The following ACYP2 variants were observed in gnomAD, a reference collection of about 807,000 sequenced individuals.
The protein encoded by ACYP2 is acylphosphatase-2.
Under a neutral mutation model 11.2 loss-of-function variants are expected in ACYP2, and 12 were observed. The ratio of observed to expected loss-of-function variants is 1.08; its 90% CI spans 0.69 to 1.74. ACYP2 has a LOEUF of 1.74. Ranked by LOEUF, ACYP2 falls within the 40% of genes most tolerant of loss-of-function variation. The pLI is 0.00. For missense variants in ACYP2, 134 were observed against 101.9 expected (o/e 1.31, Z -1.35); for synonymous variants, 43 against 32.2 (o/e 1.33, Z -1.13).
intron 6 of ACYP2, among the ~76,000 whole-genome samples, chr2:54,243,794 C>T (rs189627515): frequency 3.9e-5 from 6 of 152,188 alleles, no homozygotes; most frequent in Admixed American, 2.0e-4. Flanking sequence ...AGGCTTGTCT[C>T]GAACTCCTGG....
At chr2:54,192,687 A>G (rs1283656349) in intron 6 of ACYP2, among the ~76,000 whole-genome samples, 1 of 152,184 alleles carries the variant, frequency 6.6e-6, no homozygotes, top group African/African-American at 2.4e-5. Flanking sequence ...CTGTTCTCAC[A>G]CTGCTATAAA....
At chr2:54,226,673 T>G (rs698752) in intron 6 of ACYP2, among the ~76,000 whole-genome samples, 88,557 of 151,960 alleles carry the variant, frequency 0.58, 26,215 homozygotes, top group African/African-American at 0.69. Context: ...ATGGAACATG[T>G]AGTCTTTTCC....
intron 6 of ACYP2, among the ~76,000 whole-genome samples, chr2:54,270,875 G>A (rs1452705289): frequency 6.6e-6 from 1 of 151,970 alleles, no homozygotes; most frequent in Non-Finnish European, 1.5e-5. Context: ...TTCACTTGGT[G>A]AACATTGTTT....
intron 6 of ACYP2, among the ~76,000 whole-genome samples, chr2:54,201,950 C>T (rs6746552): frequency 0.026 from 3,964 of 151,850 alleles, 95 homozygotes; most frequent in Non-Finnish European, 0.027. Context: ...TGAGGTGATC[C>T]GCTTGCCTCG....
At chr2:54,091,526 T>TTTATTTAA (rs1345093344) in intron 4 of ACYP2, among the ~76,000 whole-genome samples, 3 of 151,274 alleles carry the variant, frequency 2.0e-5, no homozygotes, top group African/African-American at 7.3e-5. Context: ...TATTTATTTA[T>TTTATTTAA]TTATTGAGAC....
In ACYP2 at chr2:54,027,865, A is replaced by T. The variant is rs561201572; in HGVS notation, c.63-23093A>T. Among the ~76,000 whole-genome samples, 5 of 123,350 alleles carry T rather than the reference A, an allele frequency of 4.1e-5. No homozygotes were observed. In the South Asian group the frequency reaches 7.6e-4, roughly 19 times the overall value. The allele number at this position is 123,350 out of a possible 152,430, so 80.9% of individuals were successfully genotyped here. A position where few individuals can be genotyped will look rare whatever the true frequency, so the allele number is the denominator to read the frequency against. ...TTTTTTTTTTTTTTTTTTGAGACAG[A>T]GTCTCACACTGTTGTCCAGGCTGGA... On this transcript the variant is annotated intron_variant, in intron 2 of 6. Transcript: ENST00000607452.
intron 4 of ACYP2, among the ~76,000 whole-genome samples, chr2:54,096,747 C>G (rs1192378310): frequency 4.6e-5 from 7 of 152,156 alleles, no homozygotes; most frequent in Admixed American, 4.6e-4. Context: ...GCAGGAGAAT[C>G]AGGCAGGGAG....
intron 2 of ACYP2, among the ~76,000 whole-genome samples, chr2:54,001,743 T>C (rs1379413273): frequency 6.6e-6 from 1 of 152,258 alleles, no homozygotes; most frequent in African/African-American, 2.4e-5. Context: ...TTCAGTAGAT[T>C]TGGGGTAAGG....
intron 6 of ACYP2, among the ~76,000 whole-genome samples, chr2:54,140,528 T>TCACACA (rs200260278): frequency 2.7e-5 from 4 of 150,746 alleles, no homozygotes; most frequent in African/African-American, 7.3e-5. Flanking sequence ...ATTCTCTCTC[T>TCACACA]CACACACACA....
chr2:54,213,074 G>A (rs192131743), intron 6 of ACYP2, among the ~76,000 whole-genome samples: 2 of 152,038 alleles, frequency 1.3e-5, no homozygotes, highest in East Asian at 1.9e-4. Context: ...ATAGTTTTTC[G>A]ATGGTCACCC....
chr2:53,971,540 T>C (rs980442190), intron 1 of ACYP2, among the ~76,000 whole-genome samples: 2 of 152,174 alleles, frequency 1.3e-5, no homozygotes, highest in African/African-American at 4.8e-5. Flanking sequence ...CAAATGCTAT[T>C]TGAACAGCTG....
chr2:54,252,773 G>A (rs531473960), intron 6 of ACYP2, among the ~76,000 whole-genome samples: 11 of 151,864 alleles, frequency 7.2e-5, no homozygotes, highest in Admixed American at 1.3e-4. Context: ...GCGTGGTTGC[G>A]GGCACCTGTA....
At chr2:54,118,965 T>G (rs987442163) in intron 4 of ACYP2, among the ~76,000 whole-genome samples, 3 of 151,762 alleles carry the variant, frequency 2.0e-5, no homozygotes, top group Admixed American at 2.0e-4. Context: ...TTTTCTCATT[T>G]AACAGATGGA....
At chr2:54,035,627 T>A (rs1298824560) in intron 2 of ACYP2, among the ~76,000 whole-genome samples, 2 of 152,180 alleles carry the variant, frequency 1.3e-5, no homozygotes, top group Non-Finnish European at 2.9e-5. Flanking sequence ...AAATTTATAC[T>A]CAACCATCTA....
At chr2:54,163,403 T>A (rs1429656830) in intron 6 of ACYP2, among the ~76,000 whole-genome samples, 4 of 152,206 alleles carry the variant, frequency 2.6e-5, no homozygotes, top group Non-Finnish European at 5.9e-5. Flanking sequence ...GATCTGTCTC[T>A]GAGACCCTCT....
At chr2:54,021,754 A>T (rs943386020) in intron 2 of ACYP2, among the ~76,000 whole-genome samples, 2 of 152,176 alleles carry the variant, frequency 1.3e-5, no homozygotes, top group African/African-American at 4.8e-5. Flanking sequence ...TAAATTGAGC[A>T]TTTTTTGGAG....
In ACYP2 at chr2:54,090,938, G is replaced by C. The variant is rs568226312; in HGVS notation, c.277+33578G>C. ...CCATCTACATGTTGGTGCTTTGAGGGTAGGAATTCTACACTAGACATCTTT... is the reference window on the plus strand; with the variant it reads ...CCATCTACATGTTGGTGCTTTGAGGCTAGGAATTCTACACTAGACATCTTT... On this transcript the variant is annotated intron_variant, in intron 4 of 6. Coordinates refer to ENST00000607452, the MANE Select transcript of ACYP2 (RefSeq NM_001320586.2). Among the ~76,000 whole-genome samples, 17 of 152,232 alleles carry C rather than the reference G, an allele frequency of 1.1e-4. No individual in the cohort carries two copies. In the South Asian group the frequency reaches 3.3e-3, roughly 30 times the overall value.
chr2:54,201,582 T>C lies in ACYP2; in HGVS notation c.404+62834T>C, dbSNP rs11886703. On this transcript the variant is annotated intron_variant, in intron 6 of 6. Transcript: ENST00000607452. ...TAAAATTGGATGATAGCCAGCTTCT[T>C]TTTCTTTCTTTCTCTTTCTTTCTTT... is the stretch of plus-strand genomic sequence containing the variant. 6.2e-3 allele frequency among the ~76,000 whole-genome samples: 691 copies of C among 111,846 alleles called. 14 individuals are homozygous for C. The highest frequency in any genetic ancestry group is 0.022 in the African/African-American group (648 of 29,860). The allele number at this position is 111,846 out of a possible 152,430, so 73.4% of individuals were successfully genotyped here.
intron 6 of ACYP2, among the ~76,000 whole-genome samples, chr2:54,176,590 A>G (rs1163385467): frequency 6.6e-6 from 1 of 152,190 alleles, no homozygotes; most frequent in East Asian, 1.9e-4. Context: ...GGCAGGAAAA[A>G]TCTTATGTGT....
Sources: allele counts gnomAD v4.1 joint callset (sites outside exome capture counted in the v4.1 genomes callset), GRCh38; gene constraint gnomAD v4.1.1; transcripts MANE v1.5; gene names NCBI Gene and HGNC (gene_info 2026-07-23, HGNC 2026-07-21).